Variants in COBLL1 observed in about 807,000 individuals in gnomAD.
COBLL1 encodes cordon-bleu WH2 repeat protein like 1, also known as cordon-bleu protein-like 1.
A neutral mutation model predicts 94.8 loss-of-function variants in COBLL1; 50 were observed. That is an observed-to-expected ratio of 0.53 (90% CI 0.42 to 0.67). COBLL1 has a LOEUF of 0.67. Ranked by LOEUF, COBLL1 falls within the 30% of genes least tolerant of loss-of-function variation. COBLL1 has a pLI of 0.00. For synonymous variants in COBLL1, 448 were observed against 473.8 expected (o/e 0.95, Z 0.71); for missense variants, 1,362 against 1,348.7 (o/e 1.01, Z -0.15).
At chr2:164,805,337 C>CTCTCTCTA (rs758137553) in intron 2 of COBLL1, among the ~76,000 whole-genome samples, 8 of 17,048 alleles carry the variant, frequency 4.7e-4, no homozygotes, top group Non-Finnish European at 7.3e-4. Flanking sequence ...CTCTCTCTCT[C>CTCTCTCTA]TATATATATA....
intron 2 of COBLL1, among the ~76,000 whole-genome samples, chr2:164,805,335 C>T (rs74169439): frequency 1.3e-3 from 25 of 19,832 alleles, no homozygotes; most frequent in African/African-American, 3.3e-3. Context: ...CTCTCTCTCT[C>T]TCTATATATA....
chr2:164,701,820 A>G (rs186041556), intron 9 of COBLL1, among the ~76,000 whole-genome samples: 74 of 150,374 alleles, frequency 4.9e-4, no homozygotes, highest in African/African-American at 1.7e-3. Context: ...TTTGCTAAAT[A>G]TAATTAAACA....
intron 5 of COBLL1, chr2:164,724,711 T>C (rs1014947373): frequency 1.8e-4 from 27 of 152,278 alleles, no homozygotes; most frequent in African/African-American, 4.8e-5. Flanking sequence ...TAGATAAATA[T>C]ATAGTCTTAA....
intron 2 of COBLL1, among the ~76,000 whole-genome samples, chr2:164,753,148 G>T (rs900729193): frequency 6.6e-6 from 1 of 152,136 alleles, no homozygotes; most frequent in Admixed American, 6.5e-5. Flanking sequence ...GGAAACAGAA[G>T]CCTGGAAAAT....
intron 7 of COBLL1, among the ~76,000 whole-genome samples, chr2:164,709,704 T>G (rs1459272608): frequency 3.3e-5 from 5 of 151,190 alleles, no homozygotes; most frequent in Non-Finnish European, 7.4e-5. Context: ...GCAACAAGAG[T>G]GAAACTCCAT....
chr2:164,705,412 C>G (rs1684536650), intron 7 of COBLL1: 1 of 212,172 alleles, frequency 4.7e-6, no homozygotes, highest in African/African-American at 2.3e-5. Context: ...AAAGAAAAAT[C>G]TGGAGACATT....
At chr2:164,837,442 C>G (rs764355248) in intron 2 of COBLL1, 1 of 463,812 alleles carries the variant, frequency 2.2e-6, no homozygotes, top group South Asian at 1.6e-5. Context: ...GACTATCGCT[C>G]TCTTCTCCAA....
At chr2:164,670,489 G>C (rs1402052270) in intron 1 of COBLL1, among the ~76,000 whole-genome samples, 3 of 152,082 alleles carry the variant, frequency 2.0e-5, no homozygotes, top group Non-Finnish European at 1.5e-5. Context: ...TCACTCTTGT[G>C]AATTAAAAAG....
chr2:164,740,723 T>C (rs558987422), intron 3 of COBLL1, among the ~76,000 whole-genome samples: 3 of 152,294 alleles, frequency 2.0e-5, no homozygotes, highest in East Asian at 3.9e-4. Flanking sequence ...TACACATACA[T>C]TGCAGCATAG....
rs983459723 is a variant in COBLL1 at position 164,683,848 on chromosome 2, A to G, written c.*2098T>C. The G allele has an allele frequency of 3.3e-5, 5 of 152,126 alleles. No homozygotes were observed. Among genetic ancestry groups the G allele is most frequent in the African/African-American group, 9.7e-5 (4 of 41,444 alleles). The allele number at this position is 152,126 out of a possible 1,614,324, so 9.4% of individuals were successfully genotyped here. A position where few individuals can be genotyped will look rare whatever the true frequency, so the allele number is the denominator to read the frequency against. ...CTGTGTGGAAGTCTATCATATGAAT[A>G]TATGCATTACTAAAGCTGAGCACGG... On this transcript the variant is annotated 3_prime_UTR_variant, in exon 14 of 14. Coordinates refer to ENST00000652658, the MANE Select transcript of COBLL1 (RefSeq NM_001365672.2).
Position 164,695,600 on chromosome 2 carries a change from T to C in COBLL1, c.1792A>G (p.Lys598Glu), listed in dbSNP as rs1454015219. The C allele has an allele frequency of 6.2e-7, 1 of 1,613,844 alleles. No homozygotes were observed. Among genetic ancestry groups the C allele is most frequent in the Non-Finnish European group, 8.5e-7 (1 of 1,179,918 alleles). Reference protein sequence around the residue: ...DQKLNQPSAEKTKDAAIQTTP... With the variant: ...DQKLNQPSAEETKDAAIQTTP... ...GTCTGAATTGCTGCATCTTTTGTCT[T>C]TTCTGCACTGGGTTGATTCAGTTTT... Residue 598 changes from lysine (K) to glutamate (E), a missense_variant, in exon 12 of 14, where the codon AAG becomes GAG. Physicochemically the swap from Lys to Glu is moderately conservative, Grantham distance 56. Transcript: ENST00000652658.
At chr2:164,839,951 T>C (rs774883042) in intron 2 of COBLL1, among the ~76,000 whole-genome samples, 2 of 152,246 alleles carry the variant, frequency 1.3e-5, no homozygotes, top group Non-Finnish European at 2.9e-5. Context: ...ATTAATACAC[T>C]ACATGTTTCC....
chr2:164,781,276 A>G (rs1688712481), intron 2 of COBLL1, among the ~76,000 whole-genome samples: 1 of 152,156 alleles, frequency 6.6e-6, no homozygotes, highest in African/African-American at 2.4e-5. Flanking sequence ...CATATGACAA[A>G]AATAGCACAA....
Position 164,721,653 on chromosome 2 carries a change from C to T in COBLL1, c.996+422G>A, listed in dbSNP as rs3769882. Among the ~76,000 whole-genome samples the T allele has an allele frequency of 3.3e-5, 5 of 152,216 alleles. No individual in the cohort carries two copies. The East Asian group carries it at 7.7e-4, about 23-fold the overall frequency. The stretch of plus-strand genomic sequence containing the variant: ...GAATCTGAGTCAGGTCAAGAAAATA[C>T]GTGTGGTTAGAAACCCATGAACACA... On this transcript the variant is annotated intron_variant, in intron 7 of 13. Transcript: ENST00000652658.
At chr2:164,807,995 CT>C (rs1361558966) in intron 2 of COBLL1, among the ~76,000 whole-genome samples, 1 of 151,796 alleles carries the variant, frequency 6.6e-6, no homozygotes, top group African/African-American at 2.4e-5. Context: ...AATTTTTGTA[CT>C]TTTAGTAGAG....
intron 2 of COBLL1, among the ~76,000 whole-genome samples, chr2:164,779,146 TTTC>T (rs1688617725): frequency 1.3e-5 from 2 of 152,172 alleles, no homozygotes; most frequent in African/African-American, 4.8e-5. Context: ...CCAAATTGTT[TTTC>T]TTCTATCCAA....
At chr2:164,701,905 C>T (rs866181670) in intron 9 of COBLL1, among the ~76,000 whole-genome samples, 3 of 692 alleles carry the variant, frequency 4.3e-3, no homozygotes, top group African/African-American at 8.9e-3. Flanking sequence ...GAGGGGGGGG[C>T]GGGGTGGGGA....
chr2:164,779,293 T>A (rs748892049), intron 2 of COBLL1, among the ~76,000 whole-genome samples: 3 of 152,136 alleles, frequency 2.0e-5, no homozygotes, highest in Admixed American at 1.3e-4. Flanking sequence ...ACAGTACGAA[T>A]CATGGCAAAG....
At chr2:164,759,118 A>C (rs1687558594) in intron 2 of COBLL1, among the ~76,000 whole-genome samples, 1 of 152,154 alleles carries the variant, frequency 6.6e-6, no homozygotes, top group South Asian at 2.1e-4. Context: ...AATAAAACCA[A>C]AAGTTGCTTT....
Sources: allele counts gnomAD v4.1 joint callset (sites outside exome capture counted in the v4.1 genomes callset), GRCh38; gene constraint gnomAD v4.1.1; transcripts MANE v1.5; gene names NCBI Gene and HGNC (gene_info 2026-07-23, HGNC 2026-07-21).